The following MCF2L variants were observed in gnomAD, a reference collection of about 807,000 sequenced individuals.
MCF2L encodes MCF.2 cell line derived transforming sequence like, also known as guanine nucleotide exchange factor DBS.
In MCF2L, 97 loss-of-function variants were observed where a neutral mutation model predicts 153.4. The observed-to-expected ratio is 0.63, with a 90% CI of 0.54 to 0.75. The LOEUF is 0.75. Among genes scored for constraint, MCF2L ranks in the 30% least tolerant of loss-of-function variants. MCF2L has a pLI of 0.00. For missense variants in MCF2L, 1,347 were observed against 1,495.2 expected (o/e 0.90, Z 1.64); for synonymous variants, 659 against 632.2 (o/e 1.04, Z -0.64).
At chr13:112,986,011 C>G (rs1052106322) in intron 1 of MCF2L, among the ~76,000 whole-genome samples, 1 of 152,262 alleles carries the variant, frequency 6.6e-6, no homozygotes, top group South Asian at 2.1e-4. Flanking sequence ...CTTCCCGTCC[C>G]GTGGTCAGTG....
intron 17 of MCF2L, 97 bp downstream of exon 17, chr13:113,082,639 T>TG: frequency 1.1e-6 from 1 of 918,144 alleles, no homozygotes; most frequent in Non-Finnish European, 1.7e-6. Flanking sequence ...GGCCAGGCCA[T>TG]GCCTGGCTAG....
At chr13:112,995,213 G>A (rs1256418373) in intron 1 of MCF2L, among the ~76,000 whole-genome samples, 3 of 152,208 alleles carry the variant, frequency 2.0e-5, no homozygotes, top group South Asian at 2.1e-4. Flanking sequence ...GGCTCAGGGC[G>A]TCTCTGAGGG....
At position 113,096,612 on chromosome 13, in the gene MCF2L, G is replaced by T. The variant is rs1159502581; in HGVS notation, c.3251G>T (p.Arg1084Leu). Residue 1084 changes from arginine to leucine, a missense_variant, in exon 29 of 30, where the codon CGG (arginine) becomes CTG (leucine). Arg to Leu is a moderately radical substitution (Grantham distance 102). Coordinates refer to ENST00000535094, the MANE Select transcript of MCF2L (RefSeq NM_001112732.3). ...GWVPASSLSV[R>L]LGPSGSAQCL... Reference sequence around the variant, plus strand: ...GTGCCGGCCAGCAGCCTGTCCGTCCGGCTCGGCCCGTCCGGCTCGGCCCAG... The same window carrying T: ...GTGCCGGCCAGCAGCCTGTCCGTCCTGCTCGGCCCGTCCGGCTCGGCCCAG... The T allele has an allele frequency of 1.0e-5, 16 of 1,598,926 alleles. No homozygotes were observed. The highest frequency in any genetic ancestry group is 1.2e-5 in the Non-Finnish European group (14 of 1,177,142).
At chr13:113,016,137 C>T (rs2084499353) in intron 2 of MCF2L, among the ~76,000 whole-genome samples, 1 of 152,208 alleles carries the variant, frequency 6.6e-6, no homozygotes, top group Non-Finnish European at 1.5e-5. Flanking sequence ...GACGCCAGCC[C>T]AGGAGCTCTG....
chr13:113,089,548 G>A, intron 25 of MCF2L, 62 bp from the exon 26 acceptor site: 2 of 1,099,740 alleles, frequency 1.8e-6, no homozygotes, highest in Non-Finnish European at 2.8e-6. Flanking sequence ...GGTCCTCAGG[G>A]CGTTCTGAAA....
intron 3 of MCF2L, among the ~76,000 whole-genome samples, chr13:113,025,227 G>A (rs1277002641): frequency 8.8e-6 from 1 of 113,922 alleles, no homozygotes; most frequent in Non-Finnish European, 1.8e-5. Context: ...ACTGTGGGTC[G>A]GGGCAGAGTC....
intron 2 of MCF2L, among the ~76,000 whole-genome samples, chr13:112,910,870 T>C (rs1169588097): frequency 6.6e-6 from 1 of 152,240 alleles, no homozygotes; most frequent in Non-Finnish European, 1.5e-5. Context: ...CCTAACACTT[T>C]TCAAGGGGAA....
chr13:113,042,193 A>C (rs1487037795), intron 3 of MCF2L: 1 of 151,846 alleles, frequency 6.6e-6, no homozygotes, highest in Non-Finnish European at 1.5e-5. Context: ...CGCGTGCCCC[A>C]TGCCCGCACC....
chr13:113,026,954 G>T (rs754038704), intron 3 of MCF2L: 1 of 777,906 alleles, frequency 1.3e-6, no homozygotes, highest in Non-Finnish European at 2.4e-6. Context: ...TGATGTGCTC[G>T]TCCCAGCCTC....
chr13:112,923,369 T>G (rs989012256), intron 2 of MCF2L, among the ~76,000 whole-genome samples: 1 of 149,254 alleles, frequency 6.7e-6, no homozygotes, highest in Non-Finnish European at 1.5e-5. Context: ...GTTGACGCCA[T>G]TCTCCTGCCT....
chr13:113,094,167 T>G (rs2035453899), intron 26 of MCF2L: 1 of 179,904 alleles, frequency 5.6e-6, no homozygotes, highest in Non-Finnish European at 1.2e-5. Context: ...TGAAAACACC[T>G]GCCTGGGAGG....
chr13:113,073,547 A>G (rs2033130781), intron 9 of MCF2L, among the ~76,000 whole-genome samples: 1 of 152,170 alleles, frequency 6.6e-6, no homozygotes, highest in South Asian at 2.1e-4. Context: ...GTCTGCGTAC[A>G]CACCCATTCT....
chr13:112,966,137 G>T (rs1226133178), upstream of MCF2L: 1 of 152,282 alleles, frequency 6.6e-6, no homozygotes, highest in Non-Finnish European at 1.5e-5. The surrounding 1 kb of genome is among the most constrained non-coding windows in gnomAD (Gnocchi z 4.1). Context: ...GGAGCGCCTA[G>T]TGCTCCCTAA....
chr13:112,977,529 A>G (rs1385421635), intron 1 of MCF2L, among the ~76,000 whole-genome samples: 2 of 152,218 alleles, frequency 1.3e-5, no homozygotes, highest in Non-Finnish European at 2.9e-5. Context: ...TTAATTTTTG[A>G]AAAATGGTTT....
At chr13:112,981,432 C>T (rs1273104543) in intron 1 of MCF2L, among the ~76,000 whole-genome samples, 1 of 152,224 alleles carries the variant, frequency 6.6e-6, no homozygotes, top group African/African-American at 2.4e-5. Flanking sequence ...CCCGTGAAGA[C>T]ATCGTCCACG....
rs759050652 is a variant in MCF2L, at chr13:113,088,640, C to T, written c.2834+12C>T. 4.4e-6 allele frequency: 7 copies of T among 1,603,094 alleles called. No homozygotes were observed. In the South Asian group the frequency reaches 7.7e-5, roughly 18 times the overall value. ...CCGACCAGCACCAGGTGAGAATGGA[C>T]ACGCTGCCGCAGGCCTGCGTTTCTG... On this transcript the variant is annotated intron_variant, in intron 25 of 29. Coordinates refer to ENST00000535094, the MANE Select transcript of MCF2L (RefSeq NM_001112732.3).
In MCF2L at chr13:113,078,839, G is replaced by C. The variant is rs1035584815; in HGVS notation, c.1808+100G>C. 5.5e-6 allele frequency: 6 copies of C among 1,081,380 alleles called. No homozygotes were observed. In the African/African-American group the frequency reaches 7.8e-5, roughly 14 times the overall value. 67.0% of individuals were successfully genotyped at this position (1,081,380 alleles called of 1,614,324 possible). On this transcript the variant is annotated intron_variant, in intron 15 of 29. Coordinates refer to ENST00000535094, the MANE Select transcript of MCF2L (RefSeq NM_001112732.3). ...CGAGCAGATGCCTCACAGATAGAAG[G>C]CTGGTGCAGAAGTCATTGTGGTTCT...
At chr13:113,033,286 GAC>G (rs1213744741) in intron 3 of MCF2L, among the ~76,000 whole-genome samples, 4 of 130,016 alleles carry the variant, frequency 3.1e-5, no homozygotes, top group African/African-American at 6.1e-5. Flanking sequence ...TGGCCCCTGT[GAC>G]ATTAGTGGAC....
In MCF2L at chr13:113,096,880, C is replaced by A. The variant is rs1434868918; in HGVS notation, c.*21C>A. On this transcript the variant is annotated 3_prime_UTR_variant, in exon 30 of 30. Transcript: ENST00000535094. ...GGTAGCGCGGCCTCGGCGCCGGAGA[C>A]CCGCGCGCTGTCTGGGGCTGCGGTG... 4.3e-6 allele frequency: 6 copies of A among 1,380,968 alleles called. No individual in the cohort carries two copies. The highest frequency in any genetic ancestry group is 3.3e-5 in the Admixed American group (1 of 29,946). The allele number at this position is 1,380,968 out of a possible 1,614,324, so 85.5% of individuals were successfully genotyped here.
Sources: gnomAD v4.1 joint callset for allele counts (sites outside exome capture counted in the v4.1 genomes callset) on GRCh38, gnomAD v4.1.1 for gene constraint, Gnocchi (gnomAD v3.1) non-coding constraint, MANE v1.5 for transcripts, NCBI Gene and HGNC (gene_info 2026-07-23, HGNC 2026-07-21) for gene names.